ITGA4: variants seen among roughly 807,000 people sequenced by gnomAD.
ITGA4 encodes integrin subunit alpha 4, also known as integrin alpha-4.
Under a neutral mutation model 133.6 loss-of-function variants are expected in ITGA4, and 63 were observed. That is an observed-to-expected ratio of 0.47 (90% CI 0.38 to 0.58). The LOEUF is 0.58. ITGA4 is among the 20% of genes least tolerant of loss of function. The probability of loss-of-function intolerance (pLI) is 0.00; values close to 1 mark genes in which losing one functional copy is unlikely to be tolerated. For synonymous variants in ITGA4, 483 were observed against 438.0 expected, an observed-to-expected ratio of 1.10 and a Z score of -1.28; for missense variants, 1,076 against 1,252.7, an observed-to-expected ratio of 0.86 and a Z score of 2.13.
intron 25 of ITGA4, among the ~76,000 whole-genome samples, chr2:181,532,650 G>C (rs2105773343): frequency 6.6e-6 from 1 of 152,292 alleles, no homozygotes; most frequent in East Asian, 1.9e-4. Flanking sequence ...TTTTGGGGCT[G>C]AGACCATGGA....
chr2:181,525,698 G>A (rs117872402), intron 21 of ITGA4, among the ~76,000 whole-genome samples: 60 of 151,040 alleles, frequency 4.0e-4, no homozygotes, highest in East Asian at 2.2e-3. Context: ...CTGCAGACCC[G>A]TATCTACACA....
Position 181,538,825 on chromosome 2 carries a change from G to A in ITGA4, c.*3298G>A, listed in dbSNP as rs534532107. On this transcript the variant is annotated 3_prime_UTR_variant, in exon 28 of 28. Coordinates refer to ENST00000397033, the MANE Select transcript of ITGA4 (RefSeq NM_000885.6). ...AAAATGGAAGTTGTAGACATTATCT[G>A]TAGTTTATGCACAACAATAAATTAG... 6.6e-5 allele frequency among the ~76,000 whole-genome samples: 10 copies of A among 152,274 alleles called. No homozygotes were observed. The highest frequency in any genetic ancestry group is 1.9e-4 in the African/African-American group (8 of 41,564).
At chr2:181,503,885 G>C (rs1686336872) in intron 15 of ITGA4, among the ~76,000 whole-genome samples, 1 of 151,908 alleles carries the variant, frequency 6.6e-6, no homozygotes, top group Non-Finnish European at 1.5e-5. Context: ...AGATTTCTTA[G>C]GACAAGGGAT....
At chr2:181,489,516 T>C (rs150768843) in intron 10 of ITGA4, among the ~76,000 whole-genome samples, 1 of 130,748 alleles carries the variant, frequency 7.6e-6, no homozygotes, top group East Asian at 2.2e-4. Context: ...CCTTGAGCCT[T>C]ATTATCTGAC....
At chr2:181,474,186 C>T (rs1474470503) in intron 2 of ITGA4, among the ~76,000 whole-genome samples, 1 of 152,150 alleles carries the variant, frequency 6.6e-6, no homozygotes, top group African/African-American at 2.4e-5. Context: ...CCAGCTATAA[C>T]ACAAATAATT....
chr2:181,525,346 G>A, intron 21 of ITGA4, 55 bp downstream of exon 21: 1 of 915,558 alleles, frequency 1.1e-6, no homozygotes, highest in Non-Finnish European at 1.7e-6. Context: ...CAGTTTCCTT[G>A]CTTCTTACAT....
At chr2:181,507,757 G>T (rs1217648820) in intron 15 of ITGA4, among the ~76,000 whole-genome samples, 1 of 151,990 alleles carries the variant, frequency 6.6e-6, no homozygotes, top group Admixed American at 6.6e-5. Flanking sequence ...AGGGAATAAT[G>T]ACAAGAAAAA....
chr2:181,487,208 A>C (rs1685942842), intron 10 of ITGA4, among the ~76,000 whole-genome samples: 1 of 152,060 alleles, frequency 6.6e-6, no homozygotes, highest in Non-Finnish European at 1.5e-5. Context: ...TCTGTACCCC[A>C]CCCATCACTA....
rs200145292 is a variant in ITGA4 at position 181,537,381 on chromosome 2, G to C, written c.*1854G>C. The C allele has an allele frequency of 2.2e-6, 1 of 453,404 alleles. No individual in the cohort carries two copies. Among genetic ancestry groups the C allele is most frequent in the Non-Finnish European group, 4.4e-6 (1 of 226,474 alleles). 28.1% of individuals were successfully genotyped at this position (453,404 alleles called of 1,614,324 possible). A position where few individuals can be genotyped will look rare whatever the true frequency, so the allele number is the denominator to read the frequency against. Reference sequence around the variant, plus strand: ...TACAAGGGGAACACAATTACATATTGGGCTAGATTTTGCCCAGTTCAAAAT... The same window carrying C: ...TACAAGGGGAACACAATTACATATTCGGCTAGATTTTGCCCAGTTCAAAAT... On this transcript the variant is annotated 3_prime_UTR_variant, in exon 28 of 28. Transcript: ENST00000397033.
chr2:181,485,524 C>T (rs1448554759), intron 9 of ITGA4, among the ~76,000 whole-genome samples: 2 of 152,090 alleles, frequency 1.3e-5, no homozygotes, highest in Non-Finnish European at 2.9e-5. Flanking sequence ...GTTTTGTGCA[C>T]ACACTGCCTT....
chr2:181,535,382 A>G (rs2105776015), intron 27 of ITGA4, 50 bp from the exon 28 acceptor site: 3 of 1,385,200 alleles, frequency 2.2e-6, no homozygotes, highest in South Asian at 1.3e-5. Context: ...TATAGTAGAT[A>G]AGAGAGTGTT....
intron 2 of ITGA4, among the ~76,000 whole-genome samples, chr2:181,466,358 C>T (rs774011767): frequency 3.9e-5 from 6 of 152,040 alleles, no homozygotes; most frequent in Admixed American, 2.0e-4. Flanking sequence ...CTGTTTCTCA[C>T]ATAAATTGAG....
upstream of ITGA4, chr2:181,457,216 G>A (rs1400561529): frequency 6.2e-6 from 1 of 160,864 alleles, no homozygotes; most frequent in African/African-American, 2.4e-5. Flanking sequence ...CGCTCTTGCT[G>A]AGCCCAGAGC....
Position 181,461,225 on chromosome 2 carries a change from C to T in ITGA4, c.319+2908C>T, listed in dbSNP as rs1559035016. On this transcript the variant is annotated intron_variant, in intron 2 of 27. Transcript: ENST00000397033. ...TATCTAGAATGCCCAGGGTGAGAGACGTTAGGCATGAGATACCCCTTTTAG... is the reference window on the plus strand; with the variant it reads ...TATCTAGAATGCCCAGGGTGAGAGATGTTAGGCATGAGATACCCCTTTTAG... Among the ~76,000 whole-genome samples, 3 of 147,254 alleles carry T rather than the reference C, an allele frequency of 2.0e-5. No homozygotes were observed. The East Asian group carries it at 5.9e-4, about 29-fold the overall frequency.
At chr2:181,497,953 C>A (rs1377330384) in intron 14 of ITGA4, among the ~76,000 whole-genome samples, 1 of 151,668 alleles carries the variant, frequency 6.6e-6, no homozygotes, top group Non-Finnish European at 1.5e-5. Flanking sequence ...ATAAACCCTG[C>A]CAAACTGCTA....
intron 5 of ITGA4, among the ~76,000 whole-genome samples, 189 bp from the exon 6 acceptor site, chr2:181,479,948 G>A (rs1357924224): frequency 2.0e-5 from 3 of 150,094 alleles, no homozygotes; most frequent in Non-Finnish European, 4.4e-5. Flanking sequence ...CTGAGATTTC[G>A]CTTTTAGAAA....
intron 25 of ITGA4, among the ~76,000 whole-genome samples, chr2:181,533,045 C>A (rs1265285589): frequency 2.0e-5 from 3 of 148,000 alleles, no homozygotes; most frequent in African/African-American, 7.5e-5. Context: ...AATTCAACAA[C>A]AAAAACATAT....
chr2:181,488,714 A>G (rs989013901), intron 10 of ITGA4, among the ~76,000 whole-genome samples: 2 of 151,248 alleles, frequency 1.3e-5, no homozygotes, highest in African/African-American at 2.4e-5. Flanking sequence ...ACCCGCCACC[A>G]CCCCAGCTAA....
chr2:181,477,992 A>G (rs155093), intron 4 of ITGA4, among the ~76,000 whole-genome samples: 89,917 of 151,966 alleles, frequency 0.59, 26,741 homozygotes, highest in Admixed American at 0.7. Flanking sequence ...TGTGAGGTGT[A>G]TATATACACA....
Sources: gnomAD v4.1 joint callset for allele counts (sites outside exome capture counted in the v4.1 genomes callset) on GRCh38, gnomAD v4.1.1 for gene constraint, MANE v1.5 for transcripts, NCBI Gene and HGNC (gene_info 2026-07-23, HGNC 2026-07-21) for gene names.